Variants in MXD1 observed in about 807,000 individuals in gnomAD.
MXD1 encodes the protein MAX dimerization protein 1.
In MXD1, 9 loss-of-function variants were observed where a neutral mutation model predicts 25.7. The ratio of observed to expected loss-of-function variants is 0.35; its 90% CI spans 0.21 to 0.61. MXD1 has a LOEUF of 0.61. Among genes scored for constraint, MXD1 ranks in the 20% least tolerant of loss-of-function variants. The pLI is 0.75. For missense variants in MXD1, 227 were observed against 292.4 expected (o/e 0.78, Z 1.63); for synonymous variants, 99 against 113.9 (o/e 0.87, Z 0.83).
chr2:69,926,331 C>A (rs112382761), intron 3 of MXD1, among the ~76,000 whole-genome samples: 2 of 151,472 alleles, frequency 1.3e-5, no homozygotes, highest in Non-Finnish European at 2.9e-5. Context: ...TATACCCTTT[C>A]ATTCTCCTTT....
At position 69,938,124 on chromosome 2, in the gene MXD1, C is replaced by A. The variant is rs145908169; in HGVS notation, c.506C>A (p.Thr169Lys). 2.3e-5 allele frequency: 37 copies of A among 1,614,066 alleles called. No individual in the cohort carries two copies. Among genetic ancestry groups the A allele is most frequent in the Non-Finnish European group, 3.1e-5 (37 of 1,180,020 alleles). Residue 169 changes from threonine to lysine, a missense_variant, in exon 6 of 6, where the codon ACG becomes AAG. Coordinates refer to ENST00000264444, the MANE Select transcript of MXD1 (RefSeq NM_002357.4). ...GAAATCGACGTTGACGTGGAGAGCA[C>A]GGACTATCTCACAGGTGATCTGGAC... ...REEIDVDVESTDYLTGDLDWS... is the reference protein window; with the variant it reads ...REEIDVDVESKDYLTGDLDWS...
chr2:69,923,198 T>C (rs1461150268), intron 3 of MXD1, among the ~76,000 whole-genome samples: 1 of 152,076 alleles, frequency 6.6e-6, no homozygotes, highest in Admixed American at 6.5e-5. Context: ...CCCTTAGCAA[T>C]TCTGATTTAA....
rs1187651486 is a variant in MXD1, at chr2:69,930,717, A to G, written c.204-4634A>G. Reference sequence around the variant, plus strand: ...CTAGTGAGACATTTTTGAGTTCCCTATTGATTGTAAAAGGAATATCATAGT... The same window carrying G: ...CTAGTGAGACATTTTTGAGTTCCCTGTTGATTGTAAAAGGAATATCATAGT... On this transcript the variant is annotated intron_variant, in intron 3 of 5. Transcript: ENST00000264444. 2.0e-5 allele frequency among the ~76,000 whole-genome samples: 3 copies of G among 152,166 alleles called. 1 individual carries two copies. The highest frequency in any genetic ancestry group is 4.1e-4 in the South Asian group (2 of 4,832).
chr2:69,941,437 G>A lies in MXD1; in HGVS notation c.*3153G>A, dbSNP rs1482787775. On this transcript the variant is annotated 3_prime_UTR_variant, in exon 6 of 6. Transcript: ENST00000264444. ...TAGTCACACACCTAATGCTAGTTTAGTGATTCAAAATGCATCACATTTTTA... is the reference window on the plus strand; with the variant it reads ...TAGTCACACACCTAATGCTAGTTTAATGATTCAAAATGCATCACATTTTTA... The A allele has an allele frequency of 9.2e-5, 14 of 152,320 alleles. No individual in the cohort carries two copies. The highest frequency in any genetic ancestry group is 3.3e-4 in the Admixed American group (5 of 15,292). 9.4% of individuals were successfully genotyped at this position (152,320 alleles called of 1,614,324 possible).
chr2:69,921,572 T>C (rs1398152994), intron 2 of MXD1, among the ~76,000 whole-genome samples, 164 bp from the exon 3 acceptor site: 1 of 152,238 alleles, frequency 6.6e-6, no homozygotes, highest in Non-Finnish European at 1.5e-5. Flanking sequence ...TATCTAACTC[T>C]TCAAATGGAC....
chr2:69,935,383 T>C lies in MXD1; in HGVS notation c.236T>C (p.Leu79Ser). 6.2e-7 allele frequency: 1 copy of C among 1,614,138 alleles called. No individual in the cohort carries two copies. Among genetic ancestry groups the C allele is most frequent in the Non-Finnish European group, 8.5e-7 (1 of 1,179,984 alleles). The change falls in exon 4 of 6, where the codon TTG (leucine) becomes TCG (serine). Residue 79 changes from leucine to serine, a missense_variant. Transcript: ENST00000264444. The part of the protein sequence containing the change: ...RAHLRLCLEK[L>S]KGLVPLGPES... ...CATCTTCGCTTGTGCCTGGAGAAGTTGAAGGGGCTGGTGCCACTTGGACCC... is the reference window on the plus strand; with the variant it reads ...CATCTTCGCTTGTGCCTGGAGAAGTCGAAGGGGCTGGTGCCACTTGGACCC...
intron 3 of MXD1, among the ~76,000 whole-genome samples, chr2:69,926,349 T>C (rs921016346): frequency 6.6e-5 from 10 of 152,080 alleles, no homozygotes; most frequent in African/African-American, 2.4e-4. Context: ...TTTTTTTTTT[T>C]CCATGCCCTT....
In MXD1 at chr2:69,941,886, A is replaced by AT. The variant is rs1677613730; in HGVS notation, c.*3603dup. 1.3e-5 allele frequency: 2 copies of AT among 152,144 alleles called. No homozygotes were observed. Among genetic ancestry groups the AT allele is most frequent in the South Asian group, 2.1e-4 (1 of 4,816 alleles). The allele number at this position is 152,144 out of a possible 1,614,324, so 9.4% of individuals were successfully genotyped here. On this transcript the variant is annotated 3_prime_UTR_variant, in exon 6 of 6. Coordinates refer to ENST00000264444, the MANE Select transcript of MXD1 (RefSeq NM_002357.4). ...TATACACACACACACACACACACAC[A>AT]TATTATTATTTAGGTTTTTATACCA...
At chr2:69,920,039 T>C (rs1326106256) in intron 2 of MXD1, among the ~76,000 whole-genome samples, 1 of 151,478 alleles carries the variant, frequency 6.6e-6, no homozygotes. Flanking sequence ...TGAGATGGAG[T>C]CTCCCTCTGT....
In MXD1 at chr2:69,915,445, G is replaced by A; in HGVS notation, c.73+42G>A. 8.0e-7 allele frequency: 1 copy of A among 1,251,960 alleles called. No individual in the cohort carries two copies. Among genetic ancestry groups the A allele is most frequent in the Non-Finnish European group, 1.0e-6 (1 of 986,244 alleles). 77.6% of individuals were successfully genotyped at this position (1,251,960 alleles called of 1,614,324 possible). ...AGGGGTCCACTCGAAACGAGGCCGG[G>A]GGTCCTGTGGGGCCGGCCTCAGGTC... On this transcript the variant is annotated intron_variant, in intron 1 of 5. Coordinates refer to ENST00000264444, the MANE Select transcript of MXD1 (RefSeq NM_002357.4). The surrounding 1 kb of genome is among the most constrained non-coding windows in gnomAD (Gnocchi z 5.8).
intron 3 of MXD1, among the ~76,000 whole-genome samples, chr2:69,922,182 G>A (rs1677077799): frequency 6.6e-6 from 1 of 152,182 alleles, no homozygotes; most frequent in Non-Finnish European, 1.5e-5. Flanking sequence ...GTATTAACGT[G>A]TATGTATGTG....
intron 3 of MXD1, among the ~76,000 whole-genome samples, chr2:69,929,576 CCTT>C: frequency 6.6e-6 from 1 of 152,278 alleles, no homozygotes. Context: ...CAGCTTGGCA[CCTT>C]CTTCATTAAT....
At position 69,940,321 on chromosome 2, in the gene MXD1, C is replaced by T. The variant is rs1677566672; in HGVS notation, c.*2037C>T. 3 of 152,254 alleles carry T rather than the reference C, an allele frequency of 2.0e-5. No individual in the cohort carries two copies. The South Asian group carries it at 6.2e-4, about 32-fold the overall frequency. The allele number at this position is 152,254 out of a possible 1,614,324, so 9.4% of individuals were successfully genotyped here. The stretch of plus-strand genomic sequence containing the variant: ...TGTAACATATTTGAAAAAGATATGT[C>T]TGCACTTTGAGGTCCCTTTTGAATG... On this transcript the variant is annotated 3_prime_UTR_variant, in exon 6 of 6. Transcript: ENST00000264444.
rs200161399 is a variant in MXD1 at position 69,915,959 on chromosome 2, A to AT, written c.74-153dup. ...GCTCCGAATTGACGATATTCACACAATTTTTTTTTAAATCATTGTTCTCAG... is the reference window on the plus strand; with the variant it reads ...GCTCCGAATTGACGATATTCACACAATTTTTTTTTTAAATCATTGTTCTCAG... On this transcript the variant is annotated intron_variant, in intron 1 of 5. Transcript: ENST00000264444. This position sits in a 1 kb window ranked among gnomAD's most constrained non-coding sequence, Gnocchi z 5.8. Among the ~76,000 whole-genome samples, 23 of 152,140 alleles carry AT rather than the reference A, an allele frequency of 1.5e-4. No individual in the cohort carries two copies. The East Asian group carries it at 2.7e-3, about 18-fold the overall frequency.
At chr2:69,919,538 T>A (rs561599924) in intron 2 of MXD1, among the ~76,000 whole-genome samples, 1 of 151,750 alleles carries the variant, frequency 6.6e-6, no homozygotes, top group African/African-American at 2.4e-5. Flanking sequence ...AAAGACGGGG[T>A]TTCGCCAGGT....
Position 69,938,238 on chromosome 2 carries a change from A to G in MXD1, c.620A>G (p.Lys207Arg). 1.2e-6 allele frequency: 2 copies of G among 1,614,208 alleles called. No individual in the cohort carries two copies. The highest frequency in any genetic ancestry group is 1.7e-6 in the Non-Finnish European group (2 of 1,180,024). The change falls in exon 6 of 6, where the codon AAG becomes AGG. Residue 207 changes from lysine (K) to arginine (R), a missense_variant. Lys to Arg is a conservative substitution (Grantham distance 26). Coordinates refer to ENST00000264444, the MANE Select transcript of MXD1 (RefSeq NM_002357.4). ...GAGGGCTATTCCAGCACCAGCATCA[A>G]GAGAATAAAGCTGCAGGACAGTCAC... ...SDEGYSSTSI[K>R]RIKLQDSHKA...
At position 69,937,322 on chromosome 2, in the gene MXD1, C is replaced by T; in HGVS notation, c.406C>T (p.Leu136=). The T allele has an allele frequency of 6.2e-7, 1 of 1,614,214 alleles. No homozygotes were observed. Among genetic ancestry groups the T allele is most frequent in the Non-Finnish European group, 8.5e-7 (1 of 1,180,036 alleles). The change falls in exon 5 of 6, where the codon CTG becomes TTG. Residue 136 remains leucine, a synonymous_variant. Transcript: ENST00000264444. ...ACACCTGAAGAGGCAGCTGGAGAAG[C>T]TGGGCATTGAGAGGATCCGGATGGA... The part of the protein sequence containing the change: ...QRHLKRQLEK[L]GIERIRMDSI...
chr2:69,924,397 A>G (rs115433910), intron 3 of MXD1, among the ~76,000 whole-genome samples: 1 of 152,314 alleles, frequency 6.6e-6, no homozygotes, highest in African/African-American at 2.4e-5. Context: ...AGGTCTTGAT[A>G]ATCTTTCTAG....
intron 3 of MXD1, among the ~76,000 whole-genome samples, chr2:69,931,245 T>A (rs1233580526): frequency 6.6e-6 from 1 of 152,204 alleles, no homozygotes; most frequent in African/African-American, 2.4e-5. Flanking sequence ...GTTACCCTGT[T>A]GTGCTATCAA....
Sources: allele counts gnomAD v4.1 joint callset (sites outside exome capture counted in the v4.1 genomes callset), GRCh38; gene constraint gnomAD v4.1.1; non-coding constraint Gnocchi (gnomAD v3.1); transcripts MANE v1.5; gene names NCBI Gene and HGNC (gene_info 2026-07-23, HGNC 2026-07-21).